The following PCDHGA4 variants were observed in gnomAD, a reference collection of about 807,000 sequenced individuals.
PCDHGA4 encodes the protein protocadherin gamma subfamily A, 4, also known as protocadherin gamma-A4.
A neutral mutation model predicts 54.6 loss-of-function variants in PCDHGA4; 38 were observed. The ratio of observed to expected loss-of-function variants is 0.70; its 90% CI spans 0.54 to 0.91. PCDHGA4 has a LOEUF of 0.91. PCDHGA4 is among the 40% of genes least tolerant of loss of function. PCDHGA4 has a pLI of 0.00. For missense variants in PCDHGA4, 1,298 were observed against 1,220.9 expected, an observed-to-expected ratio of 1.06 and a Z score of -0.94; for synonymous variants, 511 against 512.9, an observed-to-expected ratio of 1.00 and a Z score of 0.05.
chr5:141,364,841 C>A, intron 1 of PCDHGA4: 1 of 1,613,988 alleles, frequency 6.2e-7, no homozygotes, highest in Non-Finnish European at 8.5e-7. Flanking sequence ...CCGGAGTTAC[C>A]AGCTCAGCTC....
At chr5:141,422,872 C>T (rs773469060) in intron 1 of PCDHGA4, 19 of 1,614,134 alleles carry the variant, frequency 1.2e-5, no homozygotes, top group African/African-American at 2.7e-5. Flanking sequence ...CAACGTGTCG[C>T]TGAGCCTGTT....
chr5:141,410,849 C>CTTTTTTTTTTT lies in PCDHGA4; in HGVS notation c.2514+53240_2514+53250dup, dbSNP rs759346998. On this transcript the variant is annotated intron_variant, in intron 1 of 3. Coordinates refer to ENST00000571252, the MANE Select transcript of PCDHGA4 (RefSeq NM_018917.4). ...CAGACTGAAGATATTTTGTCTTTGT[C>CTTTTTTTTTTT]TTTTTTTTTTTTTTTTTTTTTTGAG... 217 of 138,154 alleles carry CTTTTTTTTTTT rather than the reference C, an allele frequency of 1.6e-3. 10 individuals carry two copies. The highest frequency in any genetic ancestry group is 4.0e-3 in the African/African-American group (66 of 16,622). The allele number at this position is 138,154 out of a possible 1,614,324, so 8.6% of individuals were successfully genotyped here.
At chr5:141,369,714 T>A (rs565396016) in intron 1 of PCDHGA4, among the ~76,000 whole-genome samples, 20 of 152,268 alleles carry the variant, frequency 1.3e-4, no homozygotes, top group African/African-American at 4.3e-4. Context: ...CATTATAACT[T>A]TTAGAAGTTA....
rs143779180 is a variant in PCDHGA4, at chr5:141,485,438, C to T, written c.2515-9369C>T. Reference sequence around the variant, plus strand: ...CAGCGGAGCCCTGCTCATCAAGAACCCAATCGACCGAGAGGCACTGTGTGG... The same window carrying T: ...CAGCGGAGCCCTGCTCATCAAGAACTCAATCGACCGAGAGGCACTGTGTGG... On this transcript the variant is annotated intron_variant, in intron 1 of 3. Transcript: ENST00000571252. This position sits in a 1 kb window ranked among gnomAD's most constrained non-coding sequence, Gnocchi z 5.7. 2.9e-5 allele frequency: 47 copies of T among 1,614,052 alleles called. No individual in the cohort carries two copies. The highest frequency in any genetic ancestry group is 4.0e-5 in the African/African-American group (3 of 74,924).
intron 1 of PCDHGA4, chr5:141,442,112 C>CTCG (rs2098300474): frequency 6.0e-6 from 1 of 166,158 alleles, no homozygotes; most frequent in Admixed American, 6.5e-5. Context: ...ACTACCGCCC[C>CTCG]TCGTCGCCGA....
intron 1 of PCDHGA4, chr5:141,374,662 G>C (rs1378135258): frequency 6.2e-7 from 1 of 1,611,648 alleles, no homozygotes; most frequent in South Asian, 1.1e-5. Flanking sequence ...AGTACCCGGA[G>C]CTGGTGCTGG....
intron 1 of PCDHGA4, chr5:141,360,805 G>A: frequency 6.2e-7 from 1 of 1,613,924 alleles, no homozygotes; most frequent in Middle Eastern, 1.6e-4. Flanking sequence ...ACCTCAAAGT[G>A]GCACGACCCA....
chr5:141,490,120 G>A lies in PCDHGA4; in HGVS notation c.2515-4687G>A. On this transcript the variant is annotated intron_variant, in intron 1 of 3. Coordinates refer to ENST00000571252, the MANE Select transcript of PCDHGA4 (RefSeq NM_018917.4). This position sits in a 1 kb window ranked among gnomAD's most constrained non-coding sequence, Gnocchi z 5.4. ...ATCTGAGGCAGTGCGGAACCTCTTT[G>A]GCCTAGACCCTAGCAGTGGGGCAAT... 6.2e-7 allele frequency: 1 copy of A among 1,614,224 alleles called. No homozygotes were observed. Among genetic ancestry groups the A allele is most frequent in the East Asian group, 2.2e-5 (1 of 44,888 alleles).
intron 1 of PCDHGA4, chr5:141,408,972 CT>C (rs1404896464): frequency 6.2e-7 from 1 of 1,613,870 alleles, no homozygotes; most frequent in Middle Eastern, 1.6e-4. Flanking sequence ...AATCTGCCCC[CT>C]GGGTCCCCTG....
chr5:141,465,689 C>A (rs2099107540), intron 1 of PCDHGA4, among the ~76,000 whole-genome samples: 1 of 152,162 alleles, frequency 6.6e-6, no homozygotes, highest in African/African-American at 2.4e-5. Context: ...GACCAGTCTG[C>A]TTTTGCATTG....
chr5:141,422,746 T>G (rs763386007), intron 1 of PCDHGA4: 1 of 1,611,014 alleles, frequency 6.2e-7, no homozygotes, highest in Non-Finnish European at 8.5e-7. Context: ...CTCCTATGTC[T>G]CTATTAACTC....
chr5:141,365,797 C>G (rs376466748), intron 1 of PCDHGA4: 9 of 1,613,860 alleles, frequency 5.6e-6, no homozygotes, highest in Non-Finnish European at 6.8e-6. Context: ...GAGTCACCTA[C>G]TCCCTGGCTG....
rs1423149 is a variant in PCDHGA4, at chr5:141,487,780, C to G, written c.2515-7027C>G. ...TAGACGCTGTGCTTTGTAACTGTTTCGTGAATTAACCAGAGTTGTCACAGT... is the reference window on the plus strand; with the variant it reads ...TAGACGCTGTGCTTTGTAACTGTTTGGTGAATTAACCAGAGTTGTCACAGT... On this transcript the variant is annotated intron_variant, in intron 1 of 3. Transcript: ENST00000571252. This position sits in a 1 kb window ranked among gnomAD's most constrained non-coding sequence, Gnocchi z 5.0. 6.6e-7 allele frequency: 1 copy of G among 1,526,704 alleles called. No individual in the cohort carries two copies. The allele number at this position is 1,526,704 out of a possible 1,614,324, so 94.6% of individuals were successfully genotyped here. A position where few individuals can be genotyped will look rare whatever the true frequency, so the allele number is the denominator to read the frequency against.
chr5:141,404,463 A>G lies in PCDHGA4; in HGVS notation c.2514+46842A>G, dbSNP rs969137248. 10 of 1,612,548 alleles carry G rather than the reference A, an allele frequency of 6.2e-6. No homozygotes were observed. In the South Asian group the frequency reaches 9.9e-5, roughly 16 times the overall value. ...ATCCAAGGGTCTCCTCTCTCCACCTATGTCTCTATTAACTCAGACACTGGT... is the reference window on the plus strand; with the variant it reads ...ATCCAAGGGTCTCCTCTCTCCACCTGTGTCTCTATTAACTCAGACACTGGT... On this transcript the variant is annotated intron_variant, in intron 1 of 3. Transcript: ENST00000571252.
intron 1 of PCDHGA4, chr5:141,360,995 A>G: frequency 6.2e-7 from 1 of 1,613,650 alleles, no homozygotes; most frequent in Non-Finnish European, 8.5e-7. Context: ...GTGGACGAAC[A>G]AGTGAAACAC....
intron 1 of PCDHGA4, among the ~76,000 whole-genome samples, chr5:141,380,521 A>G (rs1183307813): frequency 1.3e-5 from 2 of 152,218 alleles, no homozygotes; most frequent in South Asian, 4.1e-4. Flanking sequence ...TAAACTATGA[A>G]ATGATTTCAA....
intron 1 of PCDHGA4, chr5:141,408,042 C>T (rs2095031452): frequency 1.7e-6 from 2 of 1,204,046 alleles, no homozygotes; most frequent in Non-Finnish European, 2.2e-6. Flanking sequence ...AACCAGCTCC[C>T]ACACAGAGCC....
intron 1 of PCDHGA4, chr5:141,420,319 G>T (rs1393746531): frequency 7.0e-7 from 1 of 1,437,422 alleles, no homozygotes; most frequent in African/African-American, 1.4e-5. Context: ...ATTACAATAT[G>T]CCAATATATT....
intron 1 of PCDHGA4, chr5:141,384,400 G>C: frequency 6.2e-7 from 1 of 1,613,936 alleles, no homozygotes; most frequent in South Asian, 1.1e-5. Flanking sequence ...GGGGGCTCCA[G>C]TGTCCTCCTA....
Sources: gnomAD v4.1 joint callset for allele counts (sites outside exome capture counted in the v4.1 genomes callset) on GRCh38, gnomAD v4.1.1 for gene constraint, Gnocchi (gnomAD v3.1) non-coding constraint, MANE v1.5 for transcripts, NCBI Gene and HGNC (gene_info 2026-07-23, HGNC 2026-07-21) for gene names.